DYNC2H1: variants seen among roughly 807,000 people sequenced by gnomAD.
The protein encoded by DYNC2H1 is cytoplasmic dynein 2 heavy chain 1.
In DYNC2H1, 410 loss-of-function variants were observed where a neutral mutation model predicts 570.0. The ratio of observed to expected loss-of-function variants is 0.72; its 90% confidence interval spans 0.66 to 0.78. DYNC2H1 has a LOEUF of 0.78. DYNC2H1 is among the 30% of genes least tolerant of loss of function. The pLI, the probability that DYNC2H1 is intolerant of heterozygous loss-of-function variation, is 0.00. For missense variants in DYNC2H1, 4,865 were observed against 5,046.4 expected (o/e 0.96, Z 1.09); for synonymous variants, 1,688 against 1,677.6 (o/e 1.01, Z -0.15).
intron 84 of DYNC2H1, among the ~76,000 whole-genome samples, chr11:103,421,374 C>T (rs1276461183): frequency 6.6e-6 from 1 of 152,130 alleles, no homozygotes; most frequent in South Asian, 2.1e-4. Context: ...CTATACGACT[C>T]TCCACCCAAA....
intron 82 of DYNC2H1, among the ~76,000 whole-genome samples, chr11:103,352,012 A>G (rs1311206118): frequency 6.6e-6 from 1 of 152,102 alleles, no homozygotes; most frequent in East Asian, 1.9e-4. Flanking sequence ...CTATTAGCCA[A>G]ATTTGCAACT....
chr11:103,216,444 T>C (rs1209509076), intron 55 of DYNC2H1, among the ~76,000 whole-genome samples: 1 of 152,134 alleles, frequency 6.6e-6, no homozygotes, highest in East Asian at 1.9e-4. Flanking sequence ...ATATAACTGT[T>C]TTCAAATTCA....
At chr11:103,414,937 TATC>T (rs1943226176) in intron 84 of DYNC2H1, among the ~76,000 whole-genome samples, 1 of 152,096 alleles carries the variant, frequency 6.6e-6, no homozygotes, top group Admixed American at 6.5e-5. Context: ...ATAGAATCAA[TATC>T]ATGAAAATGG....
At chr11:103,409,984 T>C (rs886811107) in intron 84 of DYNC2H1, among the ~76,000 whole-genome samples, 6 of 150,642 alleles carry the variant, frequency 4.0e-5, no homozygotes, top group African/African-American at 1.5e-4. Flanking sequence ...AGATAAATGG[T>C]TTAAGATTAT....
intron 84 of DYNC2H1, among the ~76,000 whole-genome samples, chr11:103,401,329 G>C (rs946360541): frequency 6.6e-6 from 1 of 152,104 alleles, no homozygotes; most frequent in Non-Finnish European, 1.5e-5. Flanking sequence ...GCCGTACAGA[G>C]TAAAATGTAT....
Position 103,176,345 on chromosome 11 carries a change from AT to A in DYNC2H1, c.5787del (p.Ile1929MetfsTer3). On this transcript the variant is annotated frameshift_variant, in exon 37 of 89. Coordinates refer to ENST00000375735, the MANE Select transcript of DYNC2H1 (RefSeq NM_001377.3). LOFTEE classifies it high-confidence loss of function. ...ACTGATAAAAGATGTCTTTCCGGGA[AT>A]TGAATTGAAAGAAGTGGAATATGAT... ...DALIKDVFPGIELKEVEYDEL... is the reference protein window; with the variant it reads ...DALIKDVFPGXELKEVEYDEL... 1 of 1,587,652 alleles carries A rather than the reference AT, an allele frequency of 6.3e-7. No individual in the cohort carries two copies. The highest frequency in any genetic ancestry group is 8.6e-7 in the Non-Finnish European group (1 of 1,166,798).
intron 70 of DYNC2H1, among the ~76,000 whole-genome samples, chr11:103,263,559 AC>A (rs1304407194): frequency 6.6e-6 from 1 of 152,184 alleles, no homozygotes; most frequent in African/African-American, 2.4e-5. Flanking sequence ...TAAGAAACTC[AC>A]TCAAAACTGC....
At chr11:103,343,231 G>C (rs1000273146) in intron 82 of DYNC2H1, among the ~76,000 whole-genome samples, 93 of 152,160 alleles carry the variant, frequency 6.1e-4, no homozygotes, top group Non-Finnish European at 8.8e-5. Context: ...CATGAGCAGA[G>C]CTCTCAAAGT....
intron 71 of DYNC2H1, among the ~76,000 whole-genome samples, chr11:103,281,806 G>GAA (rs1275762793): frequency 2.0e-5 from 3 of 151,508 alleles, no homozygotes; most frequent in Non-Finnish European, 4.4e-5. Context: ...TTTCCTACCA[G>GAA]ATACCATTTT....
chr11:103,330,167 C>G (rs1938702412), intron 82 of DYNC2H1, among the ~76,000 whole-genome samples: 2 of 152,206 alleles, frequency 1.3e-5, no homozygotes, highest in South Asian at 4.1e-4. Context: ...GAAAAAGTCC[C>G]ACTGCCACGT....
chr11:103,479,055 G>C (rs771262842), intron 88 of DYNC2H1, 40 bp from the exon 89 acceptor site: 1 of 1,603,270 alleles, frequency 6.2e-7, no homozygotes, highest in Non-Finnish European at 8.5e-7. Context: ...TTTCCAAATA[G>C]TGTATTGCTT....
intron 84 of DYNC2H1, among the ~76,000 whole-genome samples, chr11:103,430,818 C>A (rs1273771942): frequency 6.6e-6 from 1 of 152,118 alleles, no homozygotes; most frequent in Non-Finnish European, 1.5e-5. Flanking sequence ...CACCAGAAAG[C>A]CTTTCCTAAC....
rs778574130 is a variant in DYNC2H1 at position 103,304,639 on chromosome 11, A to G, written c.11301A>G (p.Leu3767=). Residue 3767 remains leucine (L), a synonymous_variant, in exon 77 of 89, where the codon CTA becomes CTG. Coordinates refer to ENST00000375735, the MANE Select transcript of DYNC2H1 (RefSeq NM_001377.3). ...AAGCTGATTTAGCAATTCAAATGCTAAAAGAATGTGCCCGCAATGGAGACT... is the reference window on the plus strand; with the variant it reads ...AAGCTGATTTAGCAATTCAAATGCTGAAAGAATGTGCCCGCAATGGAGACT... The part of the protein sequence containing the change: ...QGQADLAIQM[L]KECARNGDWL... 15 of 1,613,348 alleles carry G rather than the reference A, an allele frequency of 9.3e-6. No individual in the cohort carries two copies. Among genetic ancestry groups the G allele is most frequent in the Non-Finnish European group, 1.1e-5 (13 of 1,179,568 alleles).
chr11:103,476,968 C>A (rs1945572039), intron 88 of DYNC2H1, among the ~76,000 whole-genome samples: 1 of 152,058 alleles, frequency 6.6e-6, no homozygotes, highest in African/African-American at 2.4e-5. Context: ...AAAAGGCAGT[C>A]CAAAGAATCA....
rs548879791 is a variant in DYNC2H1, at chr11:103,393,075, G to A, written c.12157-6588G>A. On this transcript the variant is annotated intron_variant, in intron 83 of 88. Coordinates refer to ENST00000375735, the MANE Select transcript of DYNC2H1 (RefSeq NM_001377.3). ...ATTTTTGTGTTTTTAGTAGAGACGG[G>A]GTTTCACCATGTTGGCCAGGCTGCT... Among the ~76,000 whole-genome samples, 6 of 152,000 alleles carry A rather than the reference G, an allele frequency of 3.9e-5. No individual in the cohort carries two copies. The South Asian group carries it at 1.2e-3, about 32-fold the overall frequency.
intron 86 of DYNC2H1, 47 bp downstream of exon 86, chr11:103,455,342 G>GTTTTGC (rs1169402916): frequency 6.5e-7 from 1 of 1,535,954 alleles, no homozygotes; most frequent in South Asian, 1.1e-5. Context: ...ACGGTAATTA[G>GTTTTGC]TTTTGCTTTA....
chr11:103,392,720 G>C (rs1942215744), intron 83 of DYNC2H1, among the ~76,000 whole-genome samples: 1 of 151,634 alleles, frequency 6.6e-6, no homozygotes, highest in Non-Finnish European at 1.5e-5. Context: ...TTGATTTTTA[G>C]GGGGTATGGA....
chr11:103,219,127 A>G (rs1311540810), intron 55 of DYNC2H1, among the ~76,000 whole-genome samples: 1 of 152,178 alleles, frequency 6.6e-6, no homozygotes, highest in Admixed American at 6.5e-5. Context: ...GCATGGCAAT[A>G]CATGCCTTTA....
chr11:103,423,670 AAAAT>A (rs1943569750), intron 84 of DYNC2H1, among the ~76,000 whole-genome samples: 1 of 151,936 alleles, frequency 6.6e-6, no homozygotes, highest in Non-Finnish European at 1.5e-5. Context: ...AGAATAGGAG[AAAAT>A]AATTTCAAGA....
Sources: gnomAD v4.1 joint callset for allele counts (sites outside exome capture counted in the v4.1 genomes callset) on GRCh38, gnomAD v4.1.1 for gene constraint, MANE v1.5 for transcripts, NCBI Gene and HGNC (gene_info 2026-07-23, HGNC 2026-07-21) for gene names.